The following PGCKA1 variants were observed in gnomAD, a reference collection of about 807,000 sequenced individuals.
The protein encoded by PGCKA1 is PDCD10 and GCKIII kinases associated 1.
chr4:37,476,461 T>G, the PGCKA1 span, among the ~76,000 whole-genome samples: 1 of 152,216 alleles, frequency 6.6e-6, no homozygotes, highest in African/African-American at 2.4e-5. Flanking sequence ...ATGCTTTAAA[T>G]CCACATATTT....
chr4:37,490,248 G>A, the PGCKA1 span, among the ~76,000 whole-genome samples: 1 of 152,226 alleles, frequency 6.6e-6, no homozygotes, highest in African/African-American at 2.4e-5. Context: ...AGGAACCATA[G>A]GAATAGATTA....
the PGCKA1 span, among the ~76,000 whole-genome samples, chr4:37,586,917 CAAACA>C: frequency 6.6e-6 from 1 of 152,026 alleles, no homozygotes; most frequent in African/African-American, 2.4e-5. Flanking sequence ...CTCAAAAAAA[CAAACA>C]AAACAAAACA....
the PGCKA1 span, among the ~76,000 whole-genome samples, chr4:37,522,911 G>A: frequency 3.9e-5 from 6 of 151,940 alleles, no homozygotes; most frequent in African/African-American, 1.2e-4. Context: ...AGAAGGAAAG[G>A]GTCTGTTTTG....
the PGCKA1 span, among the ~76,000 whole-genome samples, chr4:37,509,226 G>A: frequency 1.7e-4 from 22 of 131,872 alleles, 1 homozygote; most frequent in Admixed American, 3.8e-4. Context: ...GCCAGGCAGA[G>A]GGGCTCCTCA....
At chr4:37,472,215 A>G in the PGCKA1 span, among the ~76,000 whole-genome samples, 1 of 152,168 alleles carries the variant, frequency 6.6e-6, no homozygotes, top group Non-Finnish European at 1.5e-5. Flanking sequence ...CCACAAATTT[A>G]TCTACATCTG....
the PGCKA1 span, among the ~76,000 whole-genome samples, chr4:37,578,807 A>C: frequency 6.6e-6 from 1 of 152,090 alleles, no homozygotes; most frequent in South Asian, 2.1e-4. Flanking sequence ...CTGTAATCCT[A>C]GCTCTCTGGG....
At chr4:37,588,785 A>G in the PGCKA1 span, 6 of 1,268,056 alleles carry the variant, frequency 4.7e-6, no homozygotes, top group South Asian at 7.3e-5. Context: ...AAAAAGGCAA[A>G]CTTAATTCCT....
At chr4:37,509,478 G>T in the PGCKA1 span, among the ~76,000 whole-genome samples, 1 of 147,902 alleles carries the variant, frequency 6.8e-6, no homozygotes, top group Non-Finnish European at 1.5e-5. Context: ...TTCCTAGACG[G>T]GATGGCAGCC....
At chr4:37,568,199 T>G in the PGCKA1 span, among the ~76,000 whole-genome samples, 1 of 152,190 alleles carries the variant, frequency 6.6e-6, no homozygotes, top group South Asian at 2.1e-4. Context: ...GTGGTATGAT[T>G]CCAGAGGGTT....
At chr4:37,499,403 A>G in the PGCKA1 span, among the ~76,000 whole-genome samples, 1 of 152,128 alleles carries the variant, frequency 6.6e-6, no homozygotes, top group African/African-American at 2.4e-5. Context: ...TTCTTTGTAC[A>G]TCTCATAAAA....
the PGCKA1 span, among the ~76,000 whole-genome samples, chr4:37,460,219 G>T: frequency 0.041 from 6,245 of 152,158 alleles, 433 homozygotes; most frequent in African/African-American, 0.14. Flanking sequence ...TGCCACATTT[G>T]CTTTATCCAG....
the PGCKA1 span, among the ~76,000 whole-genome samples, chr4:37,475,445 T>C: frequency 1.3e-5 from 2 of 152,188 alleles, no homozygotes; most frequent in African/African-American, 4.8e-5. Context: ...ATTGAGATAA[T>C]GATCCTTTGC....
chr4:37,468,641 G>A, the PGCKA1 span, among the ~76,000 whole-genome samples: 1 of 152,102 alleles, frequency 6.6e-6, no homozygotes, highest in Admixed American at 6.5e-5. Context: ...TGGTGTGTTT[G>A]TTTCCAGTGT....
chr4:37,526,575 C>T, the PGCKA1 span, among the ~76,000 whole-genome samples: 80 of 152,224 alleles, frequency 5.3e-4, no homozygotes, highest in African/African-American at 1.7e-3. Context: ...CACCTCATAA[C>T]GATGTTTTGG....
At chr4:37,562,066 A>G in the PGCKA1 span, among the ~76,000 whole-genome samples, 1 of 152,254 alleles carries the variant, frequency 6.6e-6, no homozygotes, top group Non-Finnish European at 1.5e-5. Context: ...CAATGGGTCC[A>G]TGAGAAGAAA....
the PGCKA1 span, among the ~76,000 whole-genome samples, chr4:37,564,244 A>G: frequency 6.8e-6 from 1 of 147,088 alleles, no homozygotes; most frequent in Non-Finnish European, 1.5e-5. Flanking sequence ...ACTGCACTCC[A>G]GCCTGGGTGA....
chr4:37,554,436 G>A, the PGCKA1 span, among the ~76,000 whole-genome samples: 35,457 of 152,068 alleles, frequency 0.23, 4,873 homozygotes, highest in East Asian at 0.36. Context: ...TGCACCCTCC[G>A]CCTCCAGGTT....
the PGCKA1 span, among the ~76,000 whole-genome samples, chr4:37,511,693 C>T: frequency 2.0e-5 from 3 of 152,146 alleles, no homozygotes; most frequent in African/African-American, 4.8e-5. Context: ...GTAGGCACTC[C>T]CTTAGCCACC....
chr4:37,534,975 G>T, the PGCKA1 span, among the ~76,000 whole-genome samples: 1 of 152,198 alleles, frequency 6.6e-6, no homozygotes, highest in African/African-American at 2.4e-5. Flanking sequence ...TATACTAGGT[G>T]CTCTTCCGCA....
Sources: allele counts gnomAD v4.1 joint callset (sites outside exome capture counted in the v4.1 genomes callset), GRCh38; gene constraint gnomAD v4.1.1; transcripts MANE v1.5; gene names NCBI Gene and HGNC (gene_info 2026-07-23, HGNC 2026-07-21).